Variants in DNAH7 observed in about 807,000 individuals in gnomAD.
The protein encoded by DNAH7 is dynein axonemal heavy chain 7.
Under a neutral mutation model 444.6 loss-of-function variants are expected in DNAH7, and 397 were observed. The observed-to-expected ratio is 0.89, with a 90% CI of 0.82 to 0.97. The LOEUF (loss-of-function observed/expected upper bound fraction) is 0.97. Ranked by LOEUF, DNAH7 falls within the 50% of genes least tolerant of loss-of-function variation. The pLI is 0.00. For synonymous variants in DNAH7, 1,636 were observed against 1,624.4 expected (o/e 1.01, Z -0.17); for missense variants, 4,902 against 4,800.8 (o/e 1.02, Z -0.62).
At chr2:196,022,913 G>C (rs1695464567) in intron 8 of DNAH7, among the ~76,000 whole-genome samples, 1 of 152,118 alleles carries the variant, frequency 6.6e-6, no homozygotes, top group East Asian at 1.9e-4. Context: ...TTAGATTCAG[G>C]GGGTTTAGGT....
chr2:196,052,938 G>C (rs1195393441), intron 2 of DNAH7, among the ~76,000 whole-genome samples: 1 of 152,156 alleles, frequency 6.6e-6, no homozygotes, highest in Admixed American at 6.5e-5. Flanking sequence ...CCATGTGCTG[G>C]GCTCATAGAC....
chr2:195,793,304 C>G (rs971663846), intron 57 of DNAH7, among the ~76,000 whole-genome samples: 1 of 152,118 alleles, frequency 6.6e-6, no homozygotes, highest in African/African-American at 2.4e-5. Context: ...AAAGTTAAAA[C>G]AAAAATTATG....
chr2:195,847,764 G>A (rs998410951), intron 46 of DNAH7, among the ~76,000 whole-genome samples: 1 of 152,090 alleles, frequency 6.6e-6, no homozygotes, highest in Non-Finnish European at 1.5e-5. Context: ...TAGTAGAAAA[G>A]TAAATCCATT....
At chr2:195,994,119 A>C (rs1693536813) in intron 12 of DNAH7, 1 of 163,416 alleles carries the variant, frequency 6.1e-6, no homozygotes, top group African/African-American at 2.4e-5. Flanking sequence ...TTTCTTCTGA[A>C]GTCTGTAGTT....
chr2:195,796,837 T>C, intron 55 of DNAH7, 100 bp from the exon 56 acceptor site: 2 of 1,292,524 alleles, frequency 1.5e-6, no homozygotes, highest in Non-Finnish European at 2.1e-6. Flanking sequence ...ACAACTTAAT[T>C]GGGTCACATG....
chr2:195,763,201 C>T (rs2105924941), intron 61 of DNAH7, among the ~76,000 whole-genome samples: 1 of 152,138 alleles, frequency 6.6e-6, no homozygotes, highest in African/African-American at 2.4e-5. Context: ...CTACAGGATA[C>T]AGTGAAAACA....
intron 18 of DNAH7, 60 bp downstream of exon 18, chr2:195,960,195 TTTACA>T (rs543877780): frequency 1.5e-5 from 20 of 1,340,218 alleles, no homozygotes; most frequent in Middle Eastern, 2.2e-4. Context: ...TCAAAAGAAC[TTTACA>T]TTAAACACAA....
At chr2:195,841,139 CAA>C (rs1474782378) in intron 47 of DNAH7, among the ~76,000 whole-genome samples, 3 of 151,806 alleles carry the variant, frequency 2.0e-5, no homozygotes, top group African/African-American at 7.2e-5. Flanking sequence ...TGATTTTCAA[CAA>C]AGACGTAAAG....
intron 9 of DNAH7, among the ~76,000 whole-genome samples, chr2:196,013,439 A>G (rs1694834751): frequency 6.6e-6 from 1 of 152,166 alleles, no homozygotes; most frequent in Non-Finnish European, 1.5e-5. Flanking sequence ...TTTGACTACA[A>G]TGTTATAGAT....
chr2:195,825,800 G>T (rs566861747), intron 48 of DNAH7, among the ~76,000 whole-genome samples: 8 of 152,278 alleles, frequency 5.3e-5, no homozygotes, highest in African/African-American at 1.9e-4. Context: ...AAGGGGCTCA[G>T]GGTGCTGGGG....
At chr2:195,779,447 GT>G (rs1695267150) in intron 58 of DNAH7, among the ~76,000 whole-genome samples, 1 of 152,058 alleles carries the variant, frequency 6.6e-6, no homozygotes, top group South Asian at 2.1e-4. Context: ...GTAGCAGCCA[GT>G]TTTAAAATCT....
In DNAH7 at chr2:195,866,336, G is replaced by A. The variant is rs1473215750; in HGVS notation, c.6634-1315C>T. Reference sequence around the variant, plus strand: ...TTGTTATCAAATTGATGATTTCATAGTGTTATCCTTTTTTTTTTTCACTAA... The same window carrying A: ...TTGTTATCAAATTGATGATTTCATAATGTTATCCTTTTTTTTTTTCACTAA... On this transcript the variant is annotated intron_variant, in intron 40 of 64. Transcript: ENST00000312428. Among the ~76,000 whole-genome samples the A allele has an allele frequency of 2.0e-5, 3 of 151,976 alleles. No homozygotes were observed. In the East Asian group the frequency reaches 5.8e-4, roughly 29 times the overall value.
intron 19 of DNAH7, among the ~76,000 whole-genome samples, chr2:195,949,366 C>T (rs571712663): frequency 1.3e-5 from 2 of 152,120 alleles, no homozygotes; most frequent in Non-Finnish European, 2.9e-5. Context: ...TCACTGCAAC[C>T]TCTGCCTCCC....
intron 19 of DNAH7, among the ~76,000 whole-genome samples, chr2:195,954,006 A>G (rs1048923919): frequency 3.9e-5 from 6 of 152,170 alleles, no homozygotes; most frequent in African/African-American, 1.4e-4. Context: ...AGCAGATGAG[A>G]AAGACAATCG....
At chr2:195,842,882 T>G (rs1291512122) in intron 47 of DNAH7, among the ~76,000 whole-genome samples, 1 of 152,148 alleles carries the variant, frequency 6.6e-6, no homozygotes, top group African/African-American at 2.4e-5. Flanking sequence ...CCTCTGATGG[T>G]GGATACAGTG....
intron 12 of DNAH7, among the ~76,000 whole-genome samples, chr2:195,990,848 CT>C (rs1693266885): frequency 7.6e-6 from 1 of 131,572 alleles, no homozygotes; most frequent in African/African-American, 2.9e-5. Flanking sequence ...CATATATATA[CT>C]TAAATATATA....
chr2:195,904,512 G>A (rs1686897125), intron 27 of DNAH7: 1 of 152,136 alleles, frequency 6.6e-6, no homozygotes, highest in African/African-American at 2.4e-5. Flanking sequence ...TAAGAAATGT[G>A]AACTTTAGTC....
intron 44 of DNAH7, 52 bp from the exon 45 acceptor site, chr2:195,856,043 C>A (rs1235011781): frequency 6.7e-7 from 1 of 1,503,356 alleles, no homozygotes; most frequent in Admixed American, 1.9e-5. Context: ...TTCCAGTACA[C>A]TTTCTATCAC....
chr2:195,844,319 G>T (rs1159763236), intron 47 of DNAH7, among the ~76,000 whole-genome samples: 1 of 152,052 alleles, frequency 6.6e-6, no homozygotes. Flanking sequence ...CTGTGCTATC[G>T]TTAACATGCT....
Sources: gnomAD v4.1 joint callset for allele counts (sites outside exome capture counted in the v4.1 genomes callset) on GRCh38, gnomAD v4.1.1 for gene constraint, MANE v1.5 for transcripts, NCBI Gene and HGNC (gene_info 2026-07-23, HGNC 2026-07-21) for gene names.